Variants in C1QTNF12 observed in about 807,000 individuals in gnomAD.
C1QTNF12 encodes C1q and TNF related 12, also known as adipolin.
Under a neutral mutation model 34.3 loss-of-function variants are expected in C1QTNF12, and 39 were observed. That is an observed-to-expected ratio of 1.14 (90% CI 0.88 to 1.49). C1QTNF12 has a LOEUF of 1.49. C1QTNF12 is among the 40% of genes most tolerant of loss of function. The probability of loss-of-function intolerance (pLI) is 0.00; values close to 1 mark genes in which losing one functional copy is unlikely to be tolerated. For missense variants in C1QTNF12, 497 were observed against 424.7 expected (o/e 1.17, Z -1.50); for synonymous variants, 220 against 196.9 (o/e 1.12, Z -0.98).
rs200792498 is a variant in C1QTNF12 at position 1,243,985 on chromosome 1, C to T, written c.500G>A (p.Arg167Gln). 1.1e-4 allele frequency: 169 copies of T among 1,609,454 alleles called. 2 individuals carry two copies. The highest frequency in any genetic ancestry group is 1.8e-4 in the Admixed American group (11 of 59,746). The part of the protein sequence containing the change: ...RLQGPRRVDK[R>Q]TLVELHGFQA... ...GAAACCATGCAGCTCCACCAGCGTCCGCTTGTCCACCCGGCGGGGACCCTG... is the reference window on the plus strand; with the variant it reads ...GAAACCATGCAGCTCCACCAGCGTCTGCTTGTCCACCCGGCGGGGACCCTG... Residue 167 changes from arginine to glutamine, a missense_variant, in exon 4 of 8, where the codon CGG (arginine) becomes CAG (glutamine). By Grantham distance (43) the Arg-to-Gln change is conservative. Transcript: ENST00000330388.
upstream of C1QTNF12, among the ~76,000 whole-genome samples, chr1:1,247,189 T>A (rs1184769493): frequency 6.6e-6 from 1 of 151,562 alleles, no homozygotes; most frequent in African/African-American, 2.4e-5. Context: ...CCCTGCCAGC[T>A]GAACTCAACC....
chr1:1,243,267 G>C, intron 5 of C1QTNF12, 115 bp from the exon 6 acceptor site: 2 of 1,046,270 alleles, frequency 1.9e-6, no homozygotes, highest in South Asian at 3.2e-5. Flanking sequence ...TGGGGCTGGG[G>C]AGGGGGCGCC....
intron 5 of C1QTNF12, 87 bp downstream of exon 5, chr1:1,243,357 C>T (rs996117010): frequency 4.4e-5 from 58 of 1,303,716 alleles, no homozygotes; most frequent in Non-Finnish European, 5.7e-5. Context: ...TAACAGGACC[C>T]GCACCCGGGG....
chr1:1,243,634 C>T (rs1478434996), intron 4 of C1QTNF12, 82 bp from the exon 5 acceptor site: 12 of 1,175,798 alleles, frequency 1.0e-5, no homozygotes, highest in South Asian at 8.2e-5. Flanking sequence ...TGCCTGCAAC[C>T]GACAGCCCCT....
At position 1,246,486 on chromosome 1, in the gene C1QTNF12, A is replaced by AG; in HGVS notation, c.177+27dup. On this transcript the variant is annotated intron_variant, in intron 1 of 7. Transcript: ENST00000330388. This position sits in a 1 kb window ranked among gnomAD's most constrained non-coding sequence, Gnocchi z 4.5. ...GCCCCAGCTCCGAAGCTGCCCCGCG[A>AG]GGGCCCACGTGCGTCCCGGCCGCGT... The AG allele has an allele frequency of 8.1e-7, 1 of 1,229,996 alleles. No homozygotes were observed. Among genetic ancestry groups the AG allele is most frequent in the Admixed American group, 4.2e-5 (1 of 23,640 alleles). 76.2% of individuals were successfully genotyped at this position (1,229,996 alleles called of 1,614,324 possible).
In C1QTNF12 at chr1:1,242,474, G is replaced by T; in HGVS notation, c.*74C>A. 1 of 1,159,742 alleles carries T rather than the reference G, an allele frequency of 8.6e-7. No homozygotes were observed. The highest frequency in any genetic ancestry group is 1.2e-6 in the Non-Finnish European group (1 of 813,758). 71.8% of individuals were successfully genotyped at this position (1,159,742 alleles called of 1,614,324 possible). On this transcript the variant is annotated 3_prime_UTR_variant, in exon 8 of 8. Transcript: ENST00000330388. ...TGGGGAGGGTGGAGGGCTCTTTATTGTGGTGACCACGGGCATCAGTAGGAG... is the reference window on the plus strand; with the variant it reads ...TGGGGAGGGTGGAGGGCTCTTTATTTTGGTGACCACGGGCATCAGTAGGAG...
chr1:1,246,206 G>T lies in C1QTNF12; in HGVS notation c.177+308C>A, dbSNP rs1383922087. On this transcript the variant is annotated intron_variant, in intron 1 of 7. Coordinates refer to ENST00000330388, the MANE Select transcript of C1QTNF12 (RefSeq NM_001014980.3). The surrounding 1 kb of genome is among the most constrained non-coding windows in gnomAD (Gnocchi z 4.5). ...TCAGCAATTAACCTAATAGCAACAG[G>T]TTCCTCAGAGCGCGGCAGGCCCACG... Among the ~76,000 whole-genome samples, 1 of 135,710 alleles carries T rather than the reference G, an allele frequency of 7.4e-6. No homozygotes were observed. Among genetic ancestry groups the T allele is most frequent in the Non-Finnish European group, 1.5e-5 (1 of 65,330 alleles). 89.0% of individuals were successfully genotyped at this position (135,710 alleles called of 152,430 possible).
Position 1,246,615 on chromosome 1 carries a change from G to A in C1QTNF12, c.76C>T (p.Arg26Trp), listed in dbSNP as rs1432592141. Residue 26 changes from arginine to tryptophan, a missense_variant, in exon 1 of 8, where the codon CGG (arginine) becomes TGG (tryptophan). Arg to Trp is a moderately radical substitution (Grantham distance 101). Coordinates refer to ENST00000330388, the MANE Select transcript of C1QTNF12 (RefSeq NM_001014980.3). This position sits in a 1 kb window ranked among gnomAD's most constrained non-coding sequence, Gnocchi z 4.5. ...QLVLLGGVGA[R>W]REAQRTQQPG... ...TGCTGCGTCCTCTGTGCCTCCCGCC[G>A]GGCCCCGACGCCCCCGAGGAGCACG... The A allele has an allele frequency of 4.8e-6, 6 of 1,244,904 alleles. No homozygotes were observed. Among genetic ancestry groups the A allele is most frequent in the East Asian group, 3.1e-5 (1 of 31,746 alleles). 77.1% of individuals were successfully genotyped at this position (1,244,904 alleles called of 1,614,324 possible). A position where few individuals can be genotyped will look rare whatever the true frequency, so the allele number is the denominator to read the frequency against.
intron 1 of C1QTNF12, among the ~76,000 whole-genome samples, chr1:1,245,978 T>C (rs769320148): frequency 1.3e-5 from 2 of 152,092 alleles, no homozygotes; most frequent in African/African-American, 4.8e-5. Flanking sequence ...GGGCCTTCTG[T>C]CTTTGTGAGG....
Position 1,242,486 on chromosome 1 carries a change from G to A in C1QTNF12, c.*62C>T. On this transcript the variant is annotated 3_prime_UTR_variant, in exon 8 of 8. Coordinates refer to ENST00000330388, the MANE Select transcript of C1QTNF12 (RefSeq NM_001014980.3). ...AGGGCTCTTTATTGTGGTGACCACGGGCATCAGTAGGAGGGTCCCCGGGAT... is the reference window on the plus strand; with the variant it reads ...AGGGCTCTTTATTGTGGTGACCACGAGCATCAGTAGGAGGGTCCCCGGGAT... 3 of 1,266,296 alleles carry A rather than the reference G, an allele frequency of 2.4e-6. No individual in the cohort carries two copies. Among genetic ancestry groups the A allele is most frequent in the Admixed American group, 2.2e-5 (1 of 45,310 alleles). The allele number at this position is 1,266,296 out of a possible 1,614,324, so 78.4% of individuals were successfully genotyped here.
Position 1,243,528 on chromosome 1 carries a change from G to C in C1QTNF12, c.556C>G (p.Arg186Gly), listed in dbSNP as rs776657823. 1 of 1,553,394 alleles carries C rather than the reference G, an allele frequency of 6.4e-7. No homozygotes were observed. Among genetic ancestry groups the C allele is most frequent in the African/African-American group, 1.4e-5 (1 of 73,142 alleles). Reference sequence around the variant, plus strand: ...GAGGCCAGGCTCAGACCGGAGCCTCGCAGGAAGGCACCTTGGGCAGCAGGC... The same window carrying C: ...GAGGCCAGGCTCAGACCGGAGCCTCCCAGGAAGGCACCTTGGGCAGCAGGC... ...QAPAAQGAFL[R>G]GSGLSLASGR... Residue 186 changes from arginine (R) to glycine (G), a missense_variant, in exon 5 of 8, where the codon CGA becomes GGA. By Grantham distance (125) the Arg-to-Gly change is moderately radical. Coordinates refer to ENST00000330388, the MANE Select transcript of C1QTNF12 (RefSeq NM_001014980.3).
At chr1:1,244,314 C>G in intron 2 of C1QTNF12, 39 bp from the exon 3 acceptor site, 3 of 1,590,924 alleles carry the variant, frequency 1.9e-6, no homozygotes, top group Admixed American at 1.7e-5. Flanking sequence ...CCCAGTGGGA[C>G]CCGGTGGGAG....
At chr1:1,243,403 C>T (rs1638793649) in intron 5 of C1QTNF12, 41 bp downstream of exon 5, 3 of 1,523,620 alleles carry the variant, frequency 2.0e-6, no homozygotes, top group Non-Finnish European at 2.7e-6. Flanking sequence ...AGCTCAGCCC[C>T]AGCCCCGTCA....
upstream of C1QTNF12, chr1:1,246,771 C>A (rs1016921371): frequency 2.8e-6 from 3 of 1,066,534 alleles, no homozygotes; most frequent in South Asian, 4.7e-5. This position sits in a 1 kb window ranked among gnomAD's most constrained non-coding sequence, Gnocchi z 4.5. Flanking sequence ...TCAGAGCCCC[C>A]GCGCGGGGGC....
chr1:1,246,835 C>T, upstream of C1QTNF12: 4 of 530,736 alleles, frequency 7.5e-6, no homozygotes, highest in Non-Finnish European at 1.1e-5. This position sits in a 1 kb window ranked among gnomAD's most constrained non-coding sequence, Gnocchi z 4.5. Flanking sequence ...CGGACCTGCC[C>T]GGAACGGCGG....
In C1QTNF12 at chr1:1,244,190, C is replaced by A; in HGVS notation, c.379+1G>T. The A allele has an allele frequency of 6.3e-7, 1 of 1,583,434 alleles. No homozygotes were observed. ...TCTCTGGGCAGTGCAGGGCGGCTGA[C>A]CTTTCAGCAGCTCCTGAAACTCGTG... is the stretch of plus-strand genomic sequence containing the variant. On this transcript the variant is annotated splice_donor_variant, in intron 3 of 7. Transcript: ENST00000330388. LOFTEE classifies it high-confidence loss of function.
Position 1,246,456 on chromosome 1 carries a change from C to A in C1QTNF12, c.177+58G>T. ...ACAGAGCCTGCTGGGGGAGGACGCC[C>A]CAGAGCCCCAGCTCCGAAGCTGCCC... On this transcript the variant is annotated intron_variant, in intron 1 of 7. Coordinates refer to ENST00000330388, the MANE Select transcript of C1QTNF12 (RefSeq NM_001014980.3). The surrounding 1 kb of genome is among the most constrained non-coding windows in gnomAD (Gnocchi z 4.5). 8.2e-7 allele frequency: 1 copy of A among 1,214,694 alleles called. No homozygotes were observed. 75.2% of individuals were successfully genotyped at this position (1,214,694 alleles called of 1,614,324 possible).
At chr1:1,246,975 T>A (rs981545113), upstream of C1QTNF12, among the ~76,000 whole-genome samples, 9 of 151,268 alleles carry the variant, frequency 5.9e-5, 1 homozygote, top group South Asian at 1.9e-3. This position sits in a 1 kb window ranked among gnomAD's most constrained non-coding sequence, Gnocchi z 4.5. Flanking sequence ...CCTCGCAGGC[T>A]CCAGGGTGGG....
Position 1,244,093 on chromosome 1 carries a change from C to A in C1QTNF12, c.392G>T (p.Arg131Leu), listed in dbSNP as rs754889120. ...FQELLKEATE[R>L]RFSGLLDPLL... ...CGGGTCCAGAAGCCCTGAGAACCGG[C>A]GCTCCGTGGCCTCTGTGGGGAGGAG... Residue 131 changes from arginine (R) to leucine (L), a missense_variant, in exon 4 of 8, where the codon CGC becomes CTC. Transcript: ENST00000330388. The A allele has an allele frequency of 6.3e-7, 1 of 1,583,228 alleles. No homozygotes were observed. Among genetic ancestry groups the A allele is most frequent in the Non-Finnish European group, 8.6e-7 (1 of 1,164,996 alleles).
Sources: gnomAD v4.1 joint callset for allele counts (sites outside exome capture counted in the v4.1 genomes callset) on GRCh38, gnomAD v4.1.1 for gene constraint, Gnocchi (gnomAD v3.1) non-coding constraint, MANE v1.5 for transcripts, NCBI Gene and HGNC (gene_info 2026-07-23, HGNC 2026-07-21) for gene names.